AGBL1: variants seen among roughly 807,000 people sequenced by gnomAD.
The protein encoded by AGBL1 is AGBL carboxypeptidase 1.
A neutral mutation model predicts 118.9 loss-of-function variants in AGBL1; 130 were observed. That is an observed-to-expected ratio of 1.09 (90% CI 0.95 to 1.26). The LOEUF is 1.26. Ranked by LOEUF, AGBL1 falls within the 50% of genes most tolerant of loss-of-function variation. The probability of loss-of-function intolerance (pLI) is 0.00; values close to 1 mark genes in which losing one functional copy is unlikely to be tolerated. For missense variants in AGBL1, 1,584 were observed against 1,298.1 expected (o/e 1.22, Z -3.38); for synonymous variants, 555 against 478.9 (o/e 1.16, Z -2.08).
chr15:86,185,046 C>G (rs2077609568), intron 5 of AGBL1, among the ~76,000 whole-genome samples: 1 of 152,106 alleles, frequency 6.6e-6, no homozygotes, highest in Non-Finnish European at 1.5e-5. Flanking sequence ...TCACAAAGAA[C>G]TCAAACAAAT....
chr15:86,487,025 T>A (rs1305316127), intron 18 of AGBL1, among the ~76,000 whole-genome samples: 2 of 152,078 alleles, frequency 1.3e-5, no homozygotes, highest in Non-Finnish European at 2.9e-5. Flanking sequence ...TGCCGCACGC[T>A]CCTTGCTATA....
intron 22 of AGBL1, among the ~76,000 whole-genome samples, chr15:86,770,345 T>C (rs1180783210): frequency 1.3e-5 from 2 of 151,890 alleles, no homozygotes; most frequent in Admixed American, 1.3e-4. Flanking sequence ...CATTTGGCAA[T>C]GTCTGGACAC....
intron 21 of AGBL1, among the ~76,000 whole-genome samples, chr15:86,662,197 A>G (rs2085555987): frequency 6.6e-6 from 1 of 152,362 alleles, no homozygotes; most frequent in East Asian, 1.9e-4. Context: ...ATACACACAC[A>G]TATCTGTGAT....
chr15:86,367,206 G>C (rs955213673), intron 17 of AGBL1, among the ~76,000 whole-genome samples: 3 of 152,176 alleles, frequency 2.0e-5, no homozygotes, highest in Non-Finnish European at 4.4e-5. Context: ...GAATCTTTAA[G>C]CATGGTTTTA....
chr15:86,779,455 C>T (rs190568843), intron 22 of AGBL1, among the ~76,000 whole-genome samples: 71 of 152,288 alleles, frequency 4.7e-4, no homozygotes, highest in African/African-American at 1.7e-3. Context: ...TCCCTGAAAT[C>T]TCAGTGGGCA....
At chr15:86,622,316 C>T (rs957987100) in intron 21 of AGBL1, among the ~76,000 whole-genome samples, 20 of 145,056 alleles carry the variant, frequency 1.4e-4, no homozygotes, top group African/African-American at 4.3e-4. Context: ...GGTGACAAGA[C>T]TGAGACTCCA....
chr15:86,874,686 C>T (rs1431140451), intron 22 of AGBL1, among the ~76,000 whole-genome samples: 1 of 152,162 alleles, frequency 6.6e-6, no homozygotes, highest in Non-Finnish European at 1.5e-5. Flanking sequence ...TTGTTCCCCT[C>T]ACTGACCTGG....
At chr15:87,022,875 G>A (rs1196653029) in intron 24 of AGBL1, among the ~76,000 whole-genome samples, 1 of 151,974 alleles carries the variant, frequency 6.6e-6, no homozygotes, top group Admixed American at 6.6e-5. Flanking sequence ...CATATATGAA[G>A]GAAAGATACA....
At chr15:86,277,142 A>G (rs1220907446) in intron 15 of AGBL1, among the ~76,000 whole-genome samples, 1 of 144,244 alleles carries the variant, frequency 6.9e-6, no homozygotes, top group African/African-American at 2.7e-5. Context: ...GGTGTTTATA[A>G]TAAGATTTTT....
intron 22 of AGBL1, among the ~76,000 whole-genome samples, chr15:86,884,584 G>A (rs1236393336): frequency 6.6e-6 from 1 of 152,210 alleles, no homozygotes; most frequent in East Asian, 1.9e-4. Context: ...GGCCGAGGCA[G>A]GCAGATCACT....
At chr15:86,983,759 G>A (rs889384531) in intron 23 of AGBL1, among the ~76,000 whole-genome samples, 3 of 152,132 alleles carry the variant, frequency 2.0e-5, no homozygotes, top group Admixed American at 6.6e-5. Context: ...AGTCTTCAGT[G>A]TTCTAGAATT....
intron 15 of AGBL1, among the ~76,000 whole-genome samples, chr15:86,272,085 T>C (rs1215930182): frequency 1.3e-5 from 2 of 152,194 alleles, no homozygotes; most frequent in East Asian, 3.9e-4. Flanking sequence ...ATCCTGTTTC[T>C]ATCCACCCCG....
intron 22 of AGBL1, among the ~76,000 whole-genome samples, chr15:86,740,758 AGATAAGGAAAT>A (rs768676648): frequency 8.5e-5 from 13 of 152,288 alleles, no homozygotes; most frequent in Non-Finnish European, 1.2e-4. Context: ...TTACTGGCAA[AGATAAGGAAAT>A]GATGTAAGGT....
intron 21 of AGBL1, among the ~76,000 whole-genome samples, chr15:86,601,881 C>T (rs1486292910): frequency 1.3e-5 from 2 of 152,158 alleles, no homozygotes; most frequent in African/African-American, 4.8e-5. Context: ...CCTAAAGTCA[C>T]ATAGCTGCTT....
At position 86,613,964 on chromosome 15, in the gene AGBL1, T is replaced by C. The variant is rs564921714; in HGVS notation, c.2994+59427T>C. Among the ~76,000 whole-genome samples the C allele has an allele frequency of 3.7e-4, 57 of 152,082 alleles. No homozygotes were observed. The highest frequency in any genetic ancestry group is 1.4e-3 in the African/African-American group (56 of 41,472). Reference sequence around the variant, plus strand: ...ATTCCTTTCCATCTCCTAAGGGAGGTGGGGTAATGTGCTGCTGCAAACTTT... The same window carrying C: ...ATTCCTTTCCATCTCCTAAGGGAGGCGGGGTAATGTGCTGCTGCAAACTTT... On this transcript the variant is annotated intron_variant, in intron 21 of 22. Coordinates refer to ENST00000614907, the MANE Select transcript of AGBL1 (RefSeq NM_001386094.1). This position sits in a 1 kb window ranked among gnomAD's most constrained non-coding sequence, Gnocchi z 4.2.
chr15:86,092,160 GAAAGTCT>G (rs1329468036), intron 1 of AGBL1, among the ~76,000 whole-genome samples: 2 of 152,004 alleles, frequency 1.3e-5, no homozygotes, highest in East Asian at 3.9e-4. Flanking sequence ...ATATACGTTT[GAAAGTCT>G]CCAGAAAATT....
At chr15:86,548,839 T>G (rs2083624776) in intron 20 of AGBL1, among the ~76,000 whole-genome samples, 3 of 152,080 alleles carry the variant, frequency 2.0e-5, no homozygotes, top group South Asian at 2.1e-4. Flanking sequence ...TTTAATTGGC[T>G]CATGGTTATG....
chr15:86,879,317 C>T (rs543303187), intron 22 of AGBL1, among the ~76,000 whole-genome samples: 1 of 152,304 alleles, frequency 6.6e-6, no homozygotes, highest in East Asian at 1.9e-4. Context: ...GCAGCAGCTC[C>T]TCTGATGGTT....
At chr15:86,325,291 C>A (rs2141850852) in intron 17 of AGBL1, among the ~76,000 whole-genome samples, 1 of 152,290 alleles carries the variant, frequency 6.6e-6, no homozygotes, top group East Asian at 1.9e-4. Context: ...TGGCAGATAA[C>A]ATCCACGGGG....
Sources: allele counts gnomAD v4.1 joint callset (sites outside exome capture counted in the v4.1 genomes callset), GRCh38; gene constraint gnomAD v4.1.1; non-coding constraint Gnocchi (gnomAD v3.1); transcripts MANE v1.5; gene names NCBI Gene and HGNC (gene_info 2026-07-23, HGNC 2026-07-21).